WIPF1: variants seen among roughly 807,000 people sequenced by gnomAD.
WIPF1 encodes the protein WAS/WASL interacting protein family member 1.
In WIPF1, 13 loss-of-function variants were observed where a neutral mutation model predicts 35.4. The ratio of observed to expected loss-of-function variants is 0.37; its 90% CI spans 0.24 to 0.58. The LOEUF is 0.58. Ranked by LOEUF, WIPF1 falls within the 20% of genes least tolerant of loss-of-function variation. WIPF1 has a pLI of 0.74. For synonymous variants in WIPF1, 267 were observed against 266.3 expected (o/e 1.00, Z -0.02); for missense variants, 591 against 667.0 (o/e 0.89, Z 1.25).
chr2:174,575,933 T>G (rs758064828), intron 3 of WIPF1, among the ~76,000 whole-genome samples: 25 of 151,632 alleles, frequency 1.6e-4, no homozygotes, highest in African/African-American at 2.4e-4. Context: ...GAAAAGAAAA[T>G]AAAATATCTC....
chr2:174,662,485 G>T (rs926343690), intron 1 of WIPF1, among the ~76,000 whole-genome samples: 3 of 152,216 alleles, frequency 2.0e-5, no homozygotes, highest in Admixed American at 6.5e-5. Context: ...ATCTAGCAGA[G>T]TCCCAGTCCT....
intron 1 of WIPF1, among the ~76,000 whole-genome samples, chr2:174,636,001 T>C (rs1244106941): frequency 6.6e-6 from 1 of 152,230 alleles, no homozygotes; most frequent in African/African-American, 2.4e-5. Context: ...CTGATTGAAA[T>C]GACATTTAGA....
At chr2:174,575,135 T>G in intron 4 of WIPF1, 69 bp downstream of exon 4, 1 of 1,510,646 alleles carries the variant, frequency 6.6e-7, no homozygotes, top group Non-Finnish European at 9.0e-7. Context: ...TTAGAGGCTA[T>G]GACCAGCCTC....
Position 174,675,573 on chromosome 2 carries a change from C to T in WIPF1, c.-39+7201G>A, listed in dbSNP as rs114030770. 6.2e-3 allele frequency among the ~76,000 whole-genome samples: 940 copies of T among 152,018 alleles called. 11 individuals carry two copies. Among genetic ancestry groups the T allele is most frequent in the African/African-American group, 0.022 (913 of 41,432 alleles). ...TCTGCTATGTTGCCCAAGCTGGTCT[C>T]GATCTCCTGGGTTCAAGTGATCCTC... On this transcript the variant is annotated intron_variant, in intron 1 of 8. Transcript: ENST00000272746.
At chr2:174,669,818 A>G (rs1190338690) in intron 1 of WIPF1, among the ~76,000 whole-genome samples, 1 of 152,340 alleles carries the variant, frequency 6.6e-6, no homozygotes, top group South Asian at 2.1e-4. Flanking sequence ...TGAGGCTGCA[A>G]TGAGTTATGA....
chr2:174,643,335 G>A (rs572413308), intron 1 of WIPF1, among the ~76,000 whole-genome samples: 2 of 149,460 alleles, frequency 1.3e-5, no homozygotes, highest in East Asian at 3.9e-4. Context: ...AATATTGAAA[G>A]CATTTTGTTA....
intron 1 of WIPF1, among the ~76,000 whole-genome samples, chr2:174,677,701 A>C (rs2105996125): frequency 6.6e-6 from 1 of 152,308 alleles, no homozygotes; most frequent in African/African-American, 2.4e-5. Context: ...TATTATTTCG[A>C]CTTTTCAGCA....
intron 1 of WIPF1, among the ~76,000 whole-genome samples, chr2:174,656,519 T>C (rs1241364462): frequency 6.6e-6 from 1 of 152,196 alleles, no homozygotes; most frequent in East Asian, 1.9e-4. Context: ...TACATCACAT[T>C]TTTCCTCTGT....
Position 174,568,023 on chromosome 2 carries a change from C to T in WIPF1, c.1180G>A (p.Ala394Thr), listed in dbSNP as rs1559145394. 1 of 1,613,708 alleles carries T rather than the reference C, an allele frequency of 6.2e-7. No individual in the cohort carries two copies. The highest frequency in any genetic ancestry group is 1.3e-5 in the African/African-American group (1 of 75,024). The change falls in exon 6 of 8, where the codon GCC becomes ACC. Residue 394 changes from alanine (A) to threonine (T), a missense_variant. Coordinates refer to ENST00000679041, the MANE Select transcript of WIPF1 (RefSeq NM_001375834.1). The part of the protein sequence containing the change: ...PVSRNGSTSR[A>T]LPATPQLPSR... ...GGCAACTGAGGGGTAGCAGGCAGGG[C>T]CCGAGATGTGCTGCCGTTTCTGCTT...
intron 1 of WIPF1, among the ~76,000 whole-genome samples, chr2:174,653,391 A>G (rs1469080698): frequency 1.3e-5 from 2 of 152,072 alleles, no homozygotes; most frequent in Non-Finnish European, 2.9e-5. Context: ...ATATATGGGG[A>G]TAGTACCTCT....
intron 1 of WIPF1, among the ~76,000 whole-genome samples, chr2:174,668,778 T>C (rs1056853636): frequency 1.3e-5 from 2 of 152,152 alleles, no homozygotes; most frequent in Non-Finnish European, 2.9e-5. Context: ...CAGAGGGACA[T>C]GAACAACACT....
intron 1 of WIPF1, among the ~76,000 whole-genome samples, chr2:174,682,496 G>A (rs1474129076): frequency 1.1e-4 from 17 of 152,106 alleles, no homozygotes; most frequent in Admixed American, 8.5e-4. Context: ...AGCCCGAGGC[G>A]CGGGACCCAG....
At chr2:174,675,144 CTATA>C (rs1392963457) in intron 1 of WIPF1, among the ~76,000 whole-genome samples, 2 of 151,918 alleles carry the variant, frequency 1.3e-5, no homozygotes, top group Non-Finnish European at 2.9e-5. Flanking sequence ...GGAGAAAAAA[CTATA>C]TATGTGCATA....
rs549877224 is a variant in WIPF1, at chr2:174,590,498, G to A, written c.-38-4887C>T. 1.3e-5 allele frequency among the ~76,000 whole-genome samples: 2 copies of A among 152,300 alleles called. No homozygotes were observed. The highest frequency in any genetic ancestry group is 1.3e-4 in the Admixed American group (2 of 15,304). ...GTGGGAATGAGGCTGACTGATGACTGGGCCTCCCAGCATTTGGTTCTTCCC... is the reference window on the plus strand; with the variant it reads ...GTGGGAATGAGGCTGACTGATGACTAGGCCTCCCAGCATTTGGTTCTTCCC... On this transcript the variant is annotated intron_variant, in intron 1 of 7. Coordinates refer to ENST00000679041, the MANE Select transcript of WIPF1 (RefSeq NM_001375834.1). This position sits in a 1 kb window ranked among gnomAD's most constrained non-coding sequence, Gnocchi z 4.6.
chr2:174,596,534 T>C (rs1685827219), intron 1 of WIPF1, among the ~76,000 whole-genome samples: 1 of 152,216 alleles, frequency 6.6e-6, no homozygotes. Flanking sequence ...TTTGCTTAGT[T>C]AGAATCTTTC....
At chr2:174,566,734 C>A in intron 7 of WIPF1, 1 of 207,168 alleles carries the variant, frequency 4.8e-6, no homozygotes, top group South Asian at 1.3e-4. Flanking sequence ...ATGCCAATTT[C>A]AAAACTAGAA....
chr2:174,562,418 C>G lies in WIPF1; in HGVS notation c.*129G>C. 6.5e-7 allele frequency: 1 copy of G among 1,542,476 alleles called. No individual in the cohort carries two copies. The highest frequency in any genetic ancestry group is 8.8e-7 in the Non-Finnish European group (1 of 1,142,042). ...ATTCCCACCCACACACGCATATTCC[C>G]ACTCCCCCTCCCACCTTTCCTCCTG... On this transcript the variant is annotated 3_prime_UTR_variant, in exon 8 of 8. Coordinates refer to ENST00000679041, the MANE Select transcript of WIPF1 (RefSeq NM_001375834.1).
In WIPF1 at chr2:174,572,343, A is replaced by G; in HGVS notation, c.462T>C (p.Ser154=). ...CTGGGGGACCACTTCTGTGGCCTGG[A>G]GAAGGCACAGGAAACCTCCCTGGGC... ...PSGPGRFPVP[S]PGHRSGPPEP... Residue 154 remains serine (S), a synonymous_variant, in exon 5 of 8, where the codon TCT becomes TCC. Coordinates refer to ENST00000679041, the MANE Select transcript of WIPF1 (RefSeq NM_001375834.1). 1 of 1,613,966 alleles carries G rather than the reference A, an allele frequency of 6.2e-7. No individual in the cohort carries two copies. The highest frequency in any genetic ancestry group is 1.1e-5 in the South Asian group (1 of 91,074).
chr2:174,576,307 ATG>A (rs961561231), intron 3 of WIPF1, among the ~76,000 whole-genome samples: 11 of 149,036 alleles, frequency 7.4e-5, no homozygotes, highest in Non-Finnish European at 1.5e-4. Flanking sequence ...TTTTCATTTT[ATG>A]TGTTTTTTCT....
Sources: gnomAD v4.1 joint callset for allele counts (sites outside exome capture counted in the v4.1 genomes callset) on GRCh38, gnomAD v4.1.1 for gene constraint, Gnocchi (gnomAD v3.1) non-coding constraint, MANE v1.5 for transcripts, NCBI Gene and HGNC (gene_info 2026-07-23, HGNC 2026-07-21) for gene names.